HSF1: variants seen among roughly 807,000 people sequenced by gnomAD.
The protein encoded by HSF1 is heat shock factor protein 1.
A neutral mutation model predicts 51.7 loss-of-function variants in HSF1; 32 were observed. The ratio of observed to expected loss-of-function variants is 0.62; its 90% CI spans 0.47 to 0.83. The LOEUF is 0.83. HSF1 is among the 40% of genes least tolerant of loss of function. The pLI, the probability that HSF1 is intolerant of heterozygous loss-of-function variation, is 0.00. For synonymous variants in HSF1, 396 were observed against 309.7 expected, an observed-to-expected ratio of 1.28 and a Z score of -2.92; for missense variants, 727 against 717.0, an observed-to-expected ratio of 1.01 and a Z score of -0.16.
rs1408018414 is a variant in HSF1 at position 144,313,896 on chromosome 8, C to T, written c.1299C>T (p.Asp433=). Residue 433 remains aspartate, a synonymous_variant, in exon 11 of 13, where the codon GAC becomes GAT. Coordinates refer to ENST00000528838, the MANE Select transcript of HSF1 (RefSeq NM_005526.4). ...TVPDMSLPDL[D]SSLASIQELL... ...CCGACATGAGCCTGCCTGACCTTGA[C>T]AGCAGCCTGGCCAGTGTGCGTAGGC... 1.2e-6 allele frequency: 2 copies of T among 1,608,786 alleles called. No individual in the cohort carries two copies. The highest frequency in any genetic ancestry group is 2.7e-5 in the African/African-American group (2 of 73,484).
rs375062485 is a variant in HSF1, at chr8:144,314,258, C to T, written c.1518C>T (p.Phe506=). The change falls in exon 13 of 13, where the codon TTC becomes TTT. Residue 506 remains phenylalanine, a synonymous_variant. Transcript: ENST00000528838. The stretch of plus-strand genomic sequence containing the variant: ...CCTACTTCTCCGAAGGGGACGGCTT[C>T]GCCGAGGACCCCACCATCTCCCTGC... ...EGSYFSEGDG[F]AEDPTISLLT... The T allele has an allele frequency of 1.2e-5, 19 of 1,550,580 alleles. No individual in the cohort carries two copies. Among genetic ancestry groups the T allele is most frequent in the South Asian group, 3.6e-5 (3 of 84,096 alleles).
At chr8:144,296,316 G>T (rs1053973845) in intron 1 of HSF1, among the ~76,000 whole-genome samples, 4 of 152,192 alleles carry the variant, frequency 2.6e-5, no homozygotes, top group Non-Finnish European at 1.5e-5. Context: ...CGGCAGGCAG[G>T]GCCACCCCTG....
intron 1 of HSF1, among the ~76,000 whole-genome samples, chr8:144,299,040 G>A (rs575472818): frequency 1.3e-5 from 2 of 152,304 alleles, no homozygotes; most frequent in South Asian, 4.1e-4. Flanking sequence ...GCTTGGAAGT[G>A]GCGCAGAATA....
In HSF1 at chr8:144,311,461, C is replaced by T. The variant is rs781878849; in HGVS notation, c.627-44C>T. 1.6e-5 allele frequency: 25 copies of T among 1,612,230 alleles called. No homozygotes were observed. In the South Asian group the frequency reaches 2.4e-4, roughly 16 times the overall value. On this transcript the variant is annotated intron_variant, in intron 6 of 12. Coordinates refer to ENST00000528838, the MANE Select transcript of HSF1 (RefSeq NM_005526.4). ...TTCTCTGTCAGCTGTGCCCCGGGTA[C>T]CCCGAGGTGGGGGGTGGTGGCTGAC...
At chr8:144,305,824 C>A (rs1156532488) in intron 1 of HSF1, among the ~76,000 whole-genome samples, 7 of 148,768 alleles carry the variant, frequency 4.7e-5, no homozygotes, top group Non-Finnish European at 1.0e-4. Context: ...CCTCTGCCTC[C>A]CGGGTTCAAA....
chr8:144,309,489 C>T lies in HSF1; in HGVS notation c.261C>T (p.Gly87=), dbSNP rs782482195. 31 of 1,613,968 alleles carry T rather than the reference C, an allele frequency of 1.9e-5. No individual in the cohort carries two copies. Among genetic ancestry groups the T allele is most frequent in the East Asian group, 6.7e-5 (3 of 44,900 alleles). The part of the protein sequence containing the change: ...GFRKVVHIEQ[G]GLVKPERDDT... Reference sequence around the variant, plus strand: ...GGAAAGTGGTCCACATCGAGCAGGGCGGCCTGGTCAAGCCAGAGAGAGACG... The same window carrying T: ...GGAAAGTGGTCCACATCGAGCAGGGTGGCCTGGTCAAGCCAGAGAGAGACG... Residue 87 remains glycine (G), a synonymous_variant, in exon 3 of 13, where the codon GGC becomes GGT. Transcript: ENST00000528838.
At chr8:144,304,148 G>C (rs1000388583) in intron 1 of HSF1, among the ~76,000 whole-genome samples, 8 of 151,758 alleles carry the variant, frequency 5.3e-5, no homozygotes, top group Non-Finnish European at 1.5e-5. Context: ...ATTGAGGGGA[G>C]AAGGGTCCCC....
intron 1 of HSF1, among the ~76,000 whole-genome samples, chr8:144,304,756 T>A (rs1352014934): frequency 6.6e-6 from 1 of 151,818 alleles, no homozygotes; most frequent in Non-Finnish European, 1.5e-5. Context: ...AAGCAGTTCT[T>A]CTGCCTCAGC....
rs1422104389 is a variant in HSF1 at position 144,296,929 on chromosome 8, G to GC, written c.117+5055_117+5056insC. 1.4e-4 allele frequency among the ~76,000 whole-genome samples: 21 copies of GC among 152,090 alleles called. No homozygotes were observed. In the East Asian group the frequency reaches 2.9e-3, roughly 21 times the overall value. ...TTCCTCTGCCCCGGATGGTGTGGTG[G>GC]GGGGGGTGCGGTGAGGAGGGGCCCA... is the stretch of plus-strand genomic sequence containing the variant. On this transcript the variant is annotated intron_variant, in intron 1 of 12. Coordinates refer to ENST00000528838, the MANE Select transcript of HSF1 (RefSeq NM_005526.4).
chr8:144,296,259 C>A (rs545413176), intron 1 of HSF1, among the ~76,000 whole-genome samples: 1 of 152,184 alleles, frequency 6.6e-6, no homozygotes, highest in Non-Finnish European at 1.5e-5. Context: ...GACCTGGCCA[C>A]GCTCAGTCAC....
chr8:144,308,245 C>T (rs952408757), intron 1 of HSF1, among the ~76,000 whole-genome samples: 2 of 152,208 alleles, frequency 1.3e-5, no homozygotes, highest in African/African-American at 4.8e-5. Flanking sequence ...CCTAAGCCTT[C>T]GATGTCCCCT....
intron 1 of HSF1, among the ~76,000 whole-genome samples, chr8:144,295,362 C>T (rs1318126708): frequency 2.0e-5 from 3 of 152,356 alleles, no homozygotes; most frequent in Middle Eastern, 3.4e-3. Flanking sequence ...GTAATCTCGA[C>T]ATCTGAGATG....
intron 10 of HSF1, 39 bp from the exon 11 acceptor site, chr8:144,313,807 C>CG (rs1816996630): frequency 7.7e-7 from 1 of 1,300,700 alleles, no homozygotes; most frequent in Non-Finnish European, 1.0e-6. Flanking sequence ...CCCCGCCCCG[C>CG]CCCCGGGTGC....
At chr8:144,295,928 G>A (rs1815423599) in intron 1 of HSF1, among the ~76,000 whole-genome samples, 1 of 152,156 alleles carries the variant, frequency 6.6e-6, no homozygotes, top group Admixed American at 6.5e-5. Flanking sequence ...CTCCTTAGAT[G>A]TGGGCTCCTG....
intron 5 of HSF1, 25 bp from the exon 6 acceptor site, chr8:144,311,296 G>A: frequency 6.2e-7 from 1 of 1,613,662 alleles, no homozygotes; most frequent in Non-Finnish European, 8.5e-7. Context: ...AAGGGCCGGG[G>A]TAACTGTGTC....
chr8:144,307,711 C>T (rs1170277183), intron 1 of HSF1, among the ~76,000 whole-genome samples: 1 of 151,980 alleles, frequency 6.6e-6, no homozygotes, highest in African/African-American at 2.4e-5. Flanking sequence ...GCACGAGAAT[C>T]GCTTGAACTG....
chr8:144,294,101 A>T (rs1273474340), intron 1 of HSF1, among the ~76,000 whole-genome samples: 1 of 152,072 alleles, frequency 6.6e-6, no homozygotes, highest in African/African-American at 2.4e-5. Flanking sequence ...CCACCTGGTC[A>T]GTATGAAGTG....
At chr8:144,311,054 G>A (rs578155362) in intron 4 of HSF1, 120 bp from the exon 5 acceptor site, 5 of 937,238 alleles carry the variant, frequency 5.3e-6, no homozygotes, top group Non-Finnish European at 8.0e-6. Context: ...GGGTGGGCCA[G>A]GCCAGACATG....
chr8:144,312,555 A>G lies in HSF1; in HGVS notation c.1142+311A>G, dbSNP rs2130454875. 4 of 1,278,052 alleles carry G rather than the reference A, an allele frequency of 3.1e-6. No individual in the cohort carries two copies. In the South Asian group the frequency reaches 5.1e-5, roughly 16 times the overall value. 79.2% of individuals were successfully genotyped at this position (1,278,052 alleles called of 1,614,324 possible). ...GTGCTGCCCAGACACATGGCAGGAG[A>G]TGGTGAGCAGGGCCGGCCTCCACAC... On this transcript the variant is annotated intron_variant, in intron 9 of 12. Transcript: ENST00000528838.
Sources: gnomAD v4.1 joint callset for allele counts (sites outside exome capture counted in the v4.1 genomes callset) on GRCh38, gnomAD v4.1.1 for gene constraint, MANE v1.5 for transcripts, NCBI Gene and HGNC (gene_info 2026-07-23, HGNC 2026-07-21) for gene names.